PTCD2: variants seen among roughly 807,000 people sequenced by gnomAD.
PTCD2 encodes pentatricopeptide repeat domain 2.
In PTCD2, 31 loss-of-function variants were observed where a neutral mutation model predicts 42.6. The observed-to-expected ratio is 0.73, with a 90% confidence interval of 0.55 to 0.98. PTCD2 has a LOEUF of 0.98. PTCD2 is among the 50% of genes least tolerant of loss of function. The pLI is 0.00. For missense variants in PTCD2, 476 were observed against 454.8 expected (o/e 1.05, Z -0.42); for synonymous variants, 183 against 170.9 (o/e 1.07, Z -0.55).
At chr5:72,327,723 T>G (rs1751222171) in intron 3 of PTCD2, among the ~76,000 whole-genome samples, 1 of 152,168 alleles carries the variant, frequency 6.6e-6, no homozygotes, top group Admixed American at 6.5e-5. Flanking sequence ...TCCATCCACC[T>G]CAGCCTCCCA....
chr5:72,352,646 A>G lies in PTCD2; in HGVS notation c.834A>G (p.Ile278Met), dbSNP rs1453792888. ...ESIACINLNI[I>M]IHIQSNMLEN... Reference sequence around the variant, plus strand: ...TGTGTCTTCTTAATATTCAGATTATAATCCATATCCAGTCAAATATGTTGG... The same window carrying G: ...TGTGTCTTCTTAATATTCAGATTATGATCCATATCCAGTCAAATATGTTGG... The change falls in exon 9 of 10, where the codon ATA becomes ATG. Residue 278 changes from isoleucine (I) to methionine (M), a missense_variant. Ile to Met is a conservative substitution (Grantham distance 10). Coordinates refer to ENST00000380639, the MANE Select transcript of PTCD2 (RefSeq NM_024754.5). The G allele has an allele frequency of 2.0e-6, 3 of 1,486,850 alleles. No homozygotes were observed. 92.1% of individuals were successfully genotyped at this position (1,486,850 alleles called of 1,614,324 possible). A position where few individuals can be genotyped will look rare whatever the true frequency, so the allele number is the denominator to read the frequency against.
chr5:72,335,171 T>C (rs1580157562), intron 5 of PTCD2, 75 bp downstream of exon 5: 2 of 832,728 alleles, frequency 2.4e-6, no homozygotes, highest in East Asian at 5.2e-5. Context: ...GAAAAATGAG[T>C]CATGCAAAAA....
At chr5:72,358,007 C>T (rs1752962902) in intron 9 of PTCD2, among the ~76,000 whole-genome samples, 196 bp from the exon 10 acceptor site, 1 of 152,130 alleles carries the variant, frequency 6.6e-6, no homozygotes, top group Non-Finnish European at 1.5e-5. Context: ...ACTGTGTTGC[C>T]TAGGCTGGCC....
rs536678662 is a variant in PTCD2 at position 72,363,775 on chromosome 5, A to G, written c.*5348A>G. 1 of 152,326 alleles carries G rather than the reference A, an allele frequency of 6.6e-6. No homozygotes were observed. The highest frequency in any genetic ancestry group is 1.5e-5 in the Non-Finnish European group (1 of 68,020). 9.4% of individuals were successfully genotyped at this position (152,326 alleles called of 1,614,324 possible). A position where few individuals can be genotyped will look rare whatever the true frequency, so the allele number is the denominator to read the frequency against. On this transcript the variant is annotated 3_prime_UTR_variant, in exon 10 of 10. Coordinates refer to ENST00000380639, the MANE Select transcript of PTCD2 (RefSeq NM_024754.5). ...CATTAGGTTAAAGACATTGAAAAAT[A>G]TATCCATTTATTTTTTCAAATATAC...
intron 3 of PTCD2, among the ~76,000 whole-genome samples, chr5:72,328,727 T>C (rs933411958): frequency 6.6e-6 from 1 of 152,228 alleles, no homozygotes; most frequent in Admixed American, 6.5e-5. Flanking sequence ...ATTTTCATGT[T>C]AATCATATCC....
chr5:72,348,523 A>T (rs1307273788), intron 8 of PTCD2, among the ~76,000 whole-genome samples: 2 of 152,232 alleles, frequency 1.3e-5, no homozygotes, highest in Admixed American at 1.3e-4. Context: ...CTAATACGTG[A>T]TACATACTGC....
chr5:72,342,212 A>G (rs1334158026), intron 7 of PTCD2, among the ~76,000 whole-genome samples: 1 of 152,190 alleles, frequency 6.6e-6, no homozygotes, highest in Non-Finnish European at 1.5e-5. Context: ...TTTTCTTCAT[A>G]TAACCCAGAG....
At chr5:72,356,035 G>C (rs1460300956) in intron 9 of PTCD2, among the ~76,000 whole-genome samples, 1 of 152,172 alleles carries the variant, frequency 6.6e-6, no homozygotes, top group Non-Finnish European at 1.5e-5. Context: ...TGACTAACTG[G>C]ATATGGTTGA....
At position 72,363,862 on chromosome 5, in the gene PTCD2, T is replaced by C. The variant is rs1467826392; in HGVS notation, c.*5435T>C. 6.6e-6 allele frequency: 1 copy of C among 152,156 alleles called. No homozygotes were observed. The highest frequency in any genetic ancestry group is 2.4e-5 in the African/African-American group (1 of 41,426). 9.4% of individuals were successfully genotyped at this position (152,156 alleles called of 1,614,324 possible). On this transcript the variant is annotated 3_prime_UTR_variant, in exon 10 of 10. Coordinates refer to ENST00000380639, the MANE Select transcript of PTCD2 (RefSeq NM_024754.5). ...AAAACTACATGAGACTTGACTAAAA[T>C]AACCCACAATTCAAATTTCCTTCAT...
Position 72,338,630 on chromosome 5 carries a change from T to A in PTCD2, c.648T>A (p.Pro216=), listed in dbSNP as rs745626433. ...AFAICYKLNS[P]ESFKICTTLR... ...ATCCTGTCTCCTCACAGAATAGCCC[T>A]GAGTCTTTCAAAATCTGTACTACAT... The change falls in exon 7 of 10, where the codon CCT becomes CCA. Residue 216 remains proline, a synonymous_variant. Transcript: ENST00000380639. The A allele has an allele frequency of 6.3e-7, 1 of 1,584,550 alleles. No individual in the cohort carries two copies. The highest frequency in any genetic ancestry group is 8.7e-7 in the Non-Finnish European group (1 of 1,154,340).
intron 2 of PTCD2, among the ~76,000 whole-genome samples, chr5:72,323,576 A>G (rs1457253264): frequency 6.6e-6 from 1 of 151,828 alleles, no homozygotes; most frequent in African/African-American, 2.4e-5. Flanking sequence ...GACTTTTTCA[A>G]CCATAGACCC....
In PTCD2 at chr5:72,320,395, A is replaced by T; in HGVS notation, c.13A>T (p.Ser5Cys). The change falls in exon 1 of 10, where the codon AGT becomes TGT. Residue 5 changes from serine to cysteine, a missense_variant. Coordinates refer to ENST00000380639, the MANE Select transcript of PTCD2 (RefSeq NM_024754.5). ...TCCAGTAGTTGGTATGGTCCGAGAC[A>T]GTATGGCTGCTGCATTTCGGCCCTC... MVRDSMAAAFRPSNR... is the reference protein window; with the variant it reads MVRDCMAAAFRPSNR... The T allele has an allele frequency of 3.1e-6, 5 of 1,614,164 alleles. No homozygotes were observed. Among genetic ancestry groups the T allele is most frequent in the Non-Finnish European group, 4.2e-6 (5 of 1,180,002 alleles).
intron 2 of PTCD2, among the ~76,000 whole-genome samples, chr5:72,323,337 C>G (rs1032897398): frequency 6.6e-6 from 1 of 152,024 alleles, no homozygotes; most frequent in African/African-American, 2.4e-5. Flanking sequence ...TTATAAAAAG[C>G]TACAAACAAG....
chr5:72,340,527 T>C (rs183271273), intron 7 of PTCD2, among the ~76,000 whole-genome samples: 122 of 152,346 alleles, frequency 8.0e-4, no homozygotes, highest in African/African-American at 2.8e-3. Flanking sequence ...CACTCTGTAC[T>C]ATAGCCATAC....
In PTCD2 at chr5:72,364,762, G is replaced by A. The variant is rs1009650249; in HGVS notation, c.*6335G>A. ...GACAAGTAGAATGACTTGCCTGTGC[G>A]GGGGTCCTGGGTTGGCCAGTGCATT... On this transcript the variant is annotated 3_prime_UTR_variant, in exon 10 of 10. Transcript: ENST00000380639. 1 of 152,128 alleles carries A rather than the reference G, an allele frequency of 6.6e-6. No homozygotes were observed. The highest frequency in any genetic ancestry group is 2.4e-5 in the African/African-American group (1 of 41,426). The allele number at this position is 152,128 out of a possible 1,614,324, so 9.4% of individuals were successfully genotyped here. A position where few individuals can be genotyped will look rare whatever the true frequency, so the allele number is the denominator to read the frequency against.
Position 72,342,945 on chromosome 5 carries a change from G to A in PTCD2, c.754-17G>A, listed in dbSNP as rs377722921. ...GTTCCTATGATATGGAATATGATTT[G>A]TTTCTCTTCCTTCTAGAATGAGATG... On this transcript the variant is annotated splice_polypyrimidine_tract_variant and intron_variant, in intron 7 of 9. Transcript: ENST00000380639. 1.8e-5 allele frequency: 27 copies of A among 1,528,442 alleles called. No homozygotes were observed. The highest frequency in any genetic ancestry group is 1.5e-4 in the African/African-American group (11 of 72,600). The allele number at this position is 1,528,442 out of a possible 1,614,324, so 94.7% of individuals were successfully genotyped here. A position where few individuals can be genotyped will look rare whatever the true frequency, so the allele number is the denominator to read the frequency against.
In PTCD2 at chr5:72,335,170, G is replaced by C. The variant is rs1429777219; in HGVS notation, c.547+74G>C. Reference sequence around the variant, plus strand: ...GCATAGGAACTAGGGGGAAAAATGAGTCATGCAAAAATGATTCTTCTGTAA... The same window carrying C: ...GCATAGGAACTAGGGGGAAAAATGACTCATGCAAAAATGATTCTTCTGTAA... On this transcript the variant is annotated intron_variant, in intron 5 of 9. Transcript: ENST00000380639. 6.0e-6 allele frequency: 5 copies of C among 836,622 alleles called. No homozygotes were observed. In the East Asian group the frequency reaches 1.3e-4, roughly 22 times the overall value. The allele number at this position is 836,622 out of a possible 1,614,324, so 51.8% of individuals were successfully genotyped here.
intron 8 of PTCD2, 42 bp from the exon 9 acceptor site, chr5:72,352,599 C>A: frequency 1.1e-6 from 1 of 943,550 alleles, no homozygotes; most frequent in African/African-American, 1.6e-5. Context: ...CATTGAGACA[C>A]TCACTCAGTC....
chr5:72,329,971 C>T (rs1415598593), intron 3 of PTCD2, among the ~76,000 whole-genome samples: 11 of 148,072 alleles, frequency 7.4e-5, no homozygotes, highest in East Asian at 2.0e-4. Flanking sequence ...CTCGCTCTGT[C>T]GCCCAGGCTG....
Sources: gnomAD v4.1 joint callset for allele counts (sites outside exome capture counted in the v4.1 genomes callset) on GRCh38, gnomAD v4.1.1 for gene constraint, MANE v1.5 for transcripts, NCBI Gene and HGNC (gene_info 2026-07-23, HGNC 2026-07-21) for gene names.